Variants in AFF1 observed in about 807,000 individuals in gnomAD.
The protein encoded by AFF1 is AF4/FMR2 family member 1.
Under a neutral mutation model 121.7 loss-of-function variants are expected in AFF1, and 48 were observed. That is an observed-to-expected ratio of 0.39 (90% CI 0.31 to 0.50). The LOEUF (loss-of-function observed/expected upper bound fraction) is 0.50. Among genes scored for constraint, AFF1 ranks in the 20% least tolerant of loss-of-function variants. The pLI, the probability that AFF1 is intolerant of heterozygous loss-of-function variation, is 0.76. For synonymous variants in AFF1, 613 were observed against 563.0 expected (o/e 1.09, Z -1.26); for missense variants, 1,523 against 1,511.7 (o/e 1.01, Z -0.12).
At chr4:86,944,878 A>G (rs552120303) in intron 1 of AFF1, among the ~76,000 whole-genome samples, 14 of 152,356 alleles carry the variant, frequency 9.2e-5, no homozygotes, top group Admixed American at 4.6e-4. Flanking sequence ...ACTCACATGT[A>G]TGTGTATACA....
rs373815745 is a variant in AFF1 at position 86,962,312 on chromosome 4, T to TA, written c.38+13741_38+13742insA. On this transcript the variant is annotated intron_variant, in intron 2 of 20. Transcript: ENST00000395146. ...CTTTGAAATCAGTTAGATCTGGGTT[T>TA]GAATTGTATCCCCATGAGACAGGTA... Among the ~76,000 whole-genome samples, 301 of 152,264 alleles carry TA rather than the reference T, an allele frequency of 2.0e-3. 2 individuals carry two copies. Among genetic ancestry groups the TA allele is most frequent in the African/African-American group, 6.9e-3 (288 of 41,530 alleles).
intron 2 of AFF1, among the ~76,000 whole-genome samples, chr4:86,987,643 A>G (rs1324823011): frequency 2.0e-5 from 3 of 152,108 alleles, no homozygotes; most frequent in African/African-American, 7.2e-5. Context: ...TTTGCAAGTT[A>G]TTATTTGTGT....
chr4:87,037,569 TC>T (rs1268252216), intron 2 of AFF1, among the ~76,000 whole-genome samples: 1 of 152,164 alleles, frequency 6.6e-6, no homozygotes, highest in Non-Finnish European at 1.5e-5. Context: ...CGCCTCGGCC[TC>T]CCAAAGTGCT....
chr4:87,004,716 T>A (rs113376438), intron 2 of AFF1, among the ~76,000 whole-genome samples: 6,302 of 152,294 alleles, frequency 0.041, 175 homozygotes, highest in Middle Eastern at 0.1. Flanking sequence ...GATTTCAGAT[T>A]TTCAGATTTG....
At chr4:86,963,504 T>C (rs573877597) in intron 2 of AFF1, among the ~76,000 whole-genome samples, 1 of 152,346 alleles carries the variant, frequency 6.6e-6, no homozygotes, top group South Asian at 2.1e-4. Flanking sequence ...GGTTACTATG[T>C]GTAGGTTACT....
chr4:86,953,060 T>C (rs1365573771), intron 2 of AFF1, among the ~76,000 whole-genome samples: 1 of 150,672 alleles, frequency 6.6e-6, no homozygotes, highest in Non-Finnish European at 1.5e-5. Flanking sequence ...CTATGACATA[T>C]TTTTTTTGTT....
intron 2 of AFF1, among the ~76,000 whole-genome samples, chr4:86,986,559 A>G (rs1724292547): frequency 6.6e-6 from 1 of 152,104 alleles, no homozygotes; most frequent in Admixed American, 6.6e-5. Flanking sequence ...CTCTTCTTGG[A>G]TGCTGTCAGC....
chr4:87,025,770 TCTCG>T (rs1352108775), intron 2 of AFF1, among the ~76,000 whole-genome samples: 3 of 152,166 alleles, frequency 2.0e-5, no homozygotes, highest in Non-Finnish European at 4.4e-5. Flanking sequence ...AGTGGAGAAC[TCTCG>T]CTCTGCAGGT....
rs68156863 is a variant in AFF1 at position 87,012,217 on chromosome 4, C to CTTTTTTTTTTTTTTTTTTTTTTTT, written c.39-33947_39-33946insTTTTTTTTTTTTTTTTTTTTTTTT. 7.8e-5 allele frequency among the ~76,000 whole-genome samples: 9 copies of CTTTTTTTTTTTTTTTTTTTTTTTT among 115,100 alleles called. 4 individuals carry two copies. Among genetic ancestry groups the CTTTTTTTTTTTTTTTTTTTTTTTT allele is most frequent in the Non-Finnish European group, 1.3e-4 (7 of 54,242 alleles). 75.5% of individuals were successfully genotyped at this position (115,100 alleles called of 152,430 possible). The stretch of plus-strand genomic sequence containing the variant: ...GTTAGCAAACTTCTCCATTTCATTT[C>CTTTTTTTTTTTTTTTTTTTTTTTT]TTGTTTTTTTTTTTTTTTGTATAAC... On this transcript the variant is annotated intron_variant, in intron 2 of 20. Coordinates refer to ENST00000395146, the MANE Select transcript of AFF1 (RefSeq NM_001166693.3).
intron 4 of AFF1, among the ~76,000 whole-genome samples, chr4:87,061,226 C>G (rs1720756040): frequency 6.6e-6 from 1 of 152,136 alleles, no homozygotes. Flanking sequence ...TAAAGTATGC[C>G]CATGGCTTTG....
At chr4:86,959,600 G>A (rs1722003193) in intron 2 of AFF1, among the ~76,000 whole-genome samples, 1 of 151,824 alleles carries the variant, frequency 6.6e-6, no homozygotes, top group African/African-American at 2.4e-5. Context: ...GGAAGTCAGA[G>A]TGCTGGTACT....
intron 2 of AFF1, chr4:87,020,763 C>T (rs962852608): frequency 5.3e-5 from 52 of 982,502 alleles, no homozygotes; most frequent in Admixed American, 1.2e-4. Context: ...GGATTACAGG[C>T]GGGATTACCA....
chr4:87,007,376 G>T (rs1726259159), intron 2 of AFF1: 3 of 1,613,590 alleles, frequency 1.9e-6, no homozygotes, highest in Non-Finnish European at 2.5e-6. Flanking sequence ...GGCGCTCATG[G>T]ACGGAAGACC....
chr4:86,989,409 C>G (rs1402203582), intron 2 of AFF1, among the ~76,000 whole-genome samples: 2 of 152,146 alleles, frequency 1.3e-5, no homozygotes, highest in African/African-American at 2.4e-5. Context: ...ATTTATGCGG[C>G]CAACAAACAT....
chr4:86,971,117 A>G (rs1271711322), intron 2 of AFF1, among the ~76,000 whole-genome samples: 4 of 152,180 alleles, frequency 2.6e-5, no homozygotes, highest in Non-Finnish European at 5.9e-5. Context: ...AGGGGAAACT[A>G]TCCTTGCAGT....
In AFF1 at chr4:86,977,434, G is replaced by A. The variant is rs80203421; in HGVS notation, c.38+28863G>A. On this transcript the variant is annotated intron_variant, in intron 2 of 20. Transcript: ENST00000395146. ...ATTTTTAGACCTTGGATGACTGTGG[G>A]TAACTGAAACCATGGAAAGTGAAAC... Among the ~76,000 whole-genome samples, 593 of 152,286 alleles carry A rather than the reference G, an allele frequency of 3.9e-3. 3 individuals are homozygous for A. Among genetic ancestry groups the A allele is most frequent in the African/African-American group, 0.013 (557 of 41,546 alleles).
intron 4 of AFF1, among the ~76,000 whole-genome samples, chr4:87,083,380 T>C (rs1432009785): frequency 6.6e-6 from 1 of 152,256 alleles, no homozygotes; most frequent in Non-Finnish European, 1.5e-5. Context: ...TGCATGTATG[T>C]ATAAAGTGAA....
chr4:86,985,022 A>C (rs923661889), intron 2 of AFF1, among the ~76,000 whole-genome samples: 3 of 150,448 alleles, frequency 2.0e-5, no homozygotes, highest in African/African-American at 7.5e-5. Flanking sequence ...ACAAATAGAG[A>C]AAAGAGATAC....
At chr4:87,015,226 A>G (rs988207837) in intron 2 of AFF1, among the ~76,000 whole-genome samples, 2 of 152,160 alleles carry the variant, frequency 1.3e-5, no homozygotes, top group Non-Finnish European at 2.9e-5. Flanking sequence ...TTACTCATTT[A>G]CAGTCTGTGT....
Sources: allele counts gnomAD v4.1 joint callset (sites outside exome capture counted in the v4.1 genomes callset), GRCh38; gene constraint gnomAD v4.1.1; transcripts MANE v1.5; gene names NCBI Gene and HGNC (gene_info 2026-07-23, HGNC 2026-07-21).